Variants in CREBBP observed in about 807,000 individuals in gnomAD.
CREBBP encodes CREB binding lysine acetyltransferase.
A neutral mutation model predicts 265.0 loss-of-function variants in CREBBP; 19 were observed. The ratio of observed to expected loss-of-function variants is 0.07; its 90% CI spans 0.05 to 0.11. The LOEUF (loss-of-function observed/expected upper bound fraction) is 0.11, where lower values mean the gene tolerates loss of function less well. Ranked by LOEUF, CREBBP falls within the 10% of genes least tolerant of loss-of-function variation. The probability of loss-of-function intolerance (pLI) is 1.00; values close to 1 mark genes in which losing one functional copy is unlikely to be tolerated. For synonymous variants in CREBBP, 1,457 were observed against 1,223.7 expected, an observed-to-expected ratio of 1.19 and a Z score of -3.98; for missense variants, 2,525 against 3,219.0, an observed-to-expected ratio of 0.78 and a Z score of 5.22.
rs201310099 is a variant in CREBBP, at chr16:3,731,760, C to T, written c.4890+16G>A. On this transcript the variant is annotated intron_variant, in intron 29 of 30. Transcript: ENST00000262367. The surrounding 1 kb of genome is among the most constrained non-coding windows in gnomAD (Gnocchi z 7.7). ...CCGGCCAGAGGCACGGCTGCAGCACCGCAGCCCACGCCTACCTCCTTGTGC... is the reference window on the plus strand; with the variant it reads ...CCGGCCAGAGGCACGGCTGCAGCACTGCAGCCCACGCCTACCTCCTTGTGC... 1.7e-4 allele frequency: 267 copies of T among 1,614,068 alleles called. No homozygotes were observed. The African/African-American group carries it at 2.3e-3, about 14-fold the overall frequency.
At chr16:3,791,646 G>A (rs754765840) in intron 5 of CREBBP, among the ~76,000 whole-genome samples, 17 of 152,172 alleles carry the variant, frequency 1.1e-4, no homozygotes, top group Non-Finnish European at 1.6e-4. Context: ...AAATTCTCAC[G>A]TATGGAGTAA....
At chr16:3,794,109 C>T (rs2053558766) in intron 3 of CREBBP, among the ~76,000 whole-genome samples, 1 of 151,736 alleles carries the variant, frequency 6.6e-6, no homozygotes, top group South Asian at 2.1e-4. Context: ...AGGCGGATCA[C>T]GAGGTCAGGA....
At chr16:3,782,589 A>G (rs1204389366) in intron 6 of CREBBP, 95 bp downstream of exon 6, 11 of 1,515,812 alleles carry the variant, frequency 7.3e-6, no homozygotes, top group Non-Finnish European at 9.8e-6. Context: ...AGTAAAAAAC[A>G]CAAAACAAAC....
intron 17 of CREBBP, among the ~76,000 whole-genome samples, chr16:3,758,315 AC>A (rs1270746065): frequency 6.6e-6 from 1 of 152,264 alleles, no homozygotes; most frequent in Non-Finnish European, 1.5e-5. Flanking sequence ...GATACTTCTA[AC>A]AAAAAATTTT....
intron 27 of CREBBP, 161 bp from the exon 28 acceptor site, chr16:3,736,364 AC>A: frequency 1.0e-5 from 8 of 772,302 alleles, no homozygotes; most frequent in Non-Finnish European, 1.3e-5. Flanking sequence ...ACACATGTGC[AC>A]CCCCCACCAC....
At chr16:3,750,916 G>T (rs1487926157) in intron 20 of CREBBP, among the ~76,000 whole-genome samples, 2 of 152,164 alleles carry the variant, frequency 1.3e-5, no homozygotes, top group East Asian at 3.8e-4. Flanking sequence ...CTGCAAATGG[G>T]GATACCTGGT....
rs71133657 is a variant in CREBBP at position 3,802,114 on chromosome 16, A to ATTTTTTTTTTTTTTTTTTTTTT, written c.975+8467_975+8488dup. On this transcript the variant is annotated intron_variant, in intron 3 of 30. Coordinates refer to ENST00000262367, the MANE Select transcript of CREBBP (RefSeq NM_004380.3). ...TTTATATTTACTCTGGTATTCCTTA[A>ATTTTTTTTTTTTTTTTTTTTTT]TTTTTTTTTTTTTTTTTTTTTTTTT... Among the ~76,000 whole-genome samples, 7 of 50,580 alleles carry ATTTTTTTTTTTTTTTTTTTTTT rather than the reference A, an allele frequency of 1.4e-4. 2 individuals carry two copies. Among genetic ancestry groups the ATTTTTTTTTTTTTTTTTTTTTT allele is most frequent in the African/African-American group, 5.6e-4 (6 of 10,782 alleles). The allele number at this position is 50,580 out of a possible 152,430, so 33.2% of individuals were successfully genotyped here.
intron 1 of CREBBP, among the ~76,000 whole-genome samples, chr16:3,867,147 C>T (rs1212078834): frequency 6.6e-6 from 1 of 152,064 alleles, no homozygotes; most frequent in Admixed American, 6.6e-5. Flanking sequence ...GTAATAAAAA[C>T]CAGAAGTTTT....
At chr16:3,874,912 T>C (rs2055369068) in intron 1 of CREBBP, among the ~76,000 whole-genome samples, 1 of 152,240 alleles carries the variant, frequency 6.6e-6, no homozygotes, top group African/African-American at 2.4e-5. Flanking sequence ...GCTTTTGCAA[T>C]CTTCAGAAAC....
At chr16:3,807,312 C>A (rs773013783) in intron 3 of CREBBP, among the ~76,000 whole-genome samples, 2 of 152,176 alleles carry the variant, frequency 1.3e-5, no homozygotes, top group Non-Finnish European at 2.9e-5. Context: ...CTGCAGAGGG[C>A]ACCAGGTGAT....
intron 1 of CREBBP, among the ~76,000 whole-genome samples, chr16:3,877,163 A>G (rs2055419420): frequency 6.6e-6 from 1 of 151,932 alleles, no homozygotes; most frequent in South Asian, 2.1e-4. Flanking sequence ...CCGGGCACAC[A>G]CCCTGCTCCA....
intron 8 of CREBBP, among the ~76,000 whole-genome samples, chr16:3,780,508 A>C (rs1596915091): frequency 6.6e-6 from 1 of 152,272 alleles, no homozygotes; most frequent in East Asian, 1.9e-4. Flanking sequence ...GCCCCTCGGC[A>C]GTACAGAGCC....
intron 5 of CREBBP, among the ~76,000 whole-genome samples, chr16:3,789,553 A>C (rs1163964722): frequency 2.0e-5 from 3 of 152,138 alleles, no homozygotes; most frequent in Non-Finnish European, 4.4e-5. Flanking sequence ...TTCAAAACCC[A>C]ACCTTAAGCC....
chr16:3,806,737 A>AC (rs1248769474), intron 3 of CREBBP, among the ~76,000 whole-genome samples: 1 of 151,574 alleles, frequency 6.6e-6, no homozygotes, highest in Non-Finnish European at 1.5e-5. Context: ...ATCACACCCC[A>AC]CCCTGTAAGC....
intron 11 of CREBBP, among the ~76,000 whole-genome samples, chr16:3,775,972 A>G (rs1447120170): frequency 6.6e-6 from 1 of 151,370 alleles, no homozygotes; most frequent in Non-Finnish European, 1.5e-5. Flanking sequence ...GCTGGAGTGC[A>G]GTGGTGTGAT....
At chr16:3,797,937 T>A (rs997111769) in intron 3 of CREBBP, among the ~76,000 whole-genome samples, 2 of 152,240 alleles carry the variant, frequency 1.3e-5, no homozygotes, top group African/African-American at 4.8e-5. Flanking sequence ...GTTGATCTTT[T>A]ATGCAAATGC....
At chr16:3,768,028 T>C (rs1041948763) in intron 15 of CREBBP, 119 bp from the exon 16 acceptor site, 1 of 892,318 alleles carries the variant, frequency 1.1e-6, no homozygotes, top group Non-Finnish European at 1.8e-6. Flanking sequence ...CTAGTCAGAG[T>C]TGCATTTATG....
intron 27 of CREBBP, 80 bp downstream of exon 27, chr16:3,736,570 T>G (rs2052066754): frequency 4.4e-6 from 7 of 1,573,966 alleles, no homozygotes. Context: ...TTAACAAGTA[T>G]GCGAATGCAA....
At chr16:3,814,659 A>T (rs1320923466) in intron 2 of CREBBP, among the ~76,000 whole-genome samples, 1 of 152,130 alleles carries the variant, frequency 6.6e-6, no homozygotes, top group African/African-American at 2.4e-5. Flanking sequence ...CAGATAAGAG[A>T]GTGAAGGAAA....
Sources: allele counts gnomAD v4.1 joint callset (sites outside exome capture counted in the v4.1 genomes callset), GRCh38; gene constraint gnomAD v4.1.1; non-coding constraint Gnocchi (gnomAD v3.1); transcripts MANE v1.5; gene names NCBI Gene and HGNC (gene_info 2026-07-23, HGNC 2026-07-21).